The following MYO1H variants were observed in gnomAD, a reference collection of about 807,000 sequenced individuals.
MYO1H encodes the protein myosin IH, also known as unconventional myosin-Ih.
Under a neutral mutation model 149.3 loss-of-function variants are expected in MYO1H, and 118 were observed. The ratio of observed to expected loss-of-function variants is 0.79; its 90% CI spans 0.68 to 0.92. The LOEUF (loss-of-function observed/expected upper bound fraction) is 0.92. Ranked by LOEUF, MYO1H falls within the 40% of genes least tolerant of loss-of-function variation. The pLI, the probability that MYO1H is intolerant of heterozygous loss-of-function variation, is 0.00. For synonymous variants in MYO1H, 447 were observed against 465.2 expected (o/e 0.96, Z 0.50); for missense variants, 1,212 against 1,280.7 (o/e 0.95, Z 0.82).
At chr12:109,353,297 C>G (rs10850068) in intron 1 of MYO1H, among the ~76,000 whole-genome samples, 66,489 of 149,166 alleles carry the variant, frequency 0.45, 15,353 homozygotes, top group African/African-American at 0.56. Flanking sequence ...AGGAGGCTGA[C>G]GCAGGAAAAT....
rs1433826874 is a variant in MYO1H at position 109,347,951 on chromosome 12, T to C, written c.-10T>C. The C allele has an allele frequency of 1.0e-5, 4 of 398,930 alleles. No individual in the cohort carries two copies. The East Asian group carries it at 1.4e-4, about 14-fold the overall frequency. The allele number at this position is 398,930 out of a possible 1,614,324, so 24.7% of individuals were successfully genotyped here. Reference sequence around the variant, plus strand: ...ATAGTTGTTAACAACCTGCTCTCCCTCTGTGCGTGATGGAATCCAAGGTAA... The same window carrying C: ...ATAGTTGTTAACAACCTGCTCTCCCCCTGTGCGTGATGGAATCCAAGGTAA... On this transcript the variant is annotated 5_prime_UTR_variant, in exon 1 of 32. Coordinates refer to ENST00000310903, the Ensembl canonical transcript of MYO1H.
Position 109,410,028 on chromosome 12 carries a change from T to TA in MYO1H, c.1293dup (p.Ala432SerfsTer7). On this transcript the variant is annotated frameshift_variant, in exon 12 of 32. Coordinates refer to ENST00000310903, the Ensembl canonical transcript of MYO1H. LOFTEE classifies it high-confidence loss of function. The stretch of plus-strand genomic sequence containing the variant: ...CAGCAACTGTTAATTGAGAGGACTC[T>TA]AAAAGCAGAACAGGCAGAATATGAA... 6.5e-7 allele frequency: 1 copy of TA among 1,543,772 alleles called. No individual in the cohort carries two copies. The highest frequency in any genetic ancestry group is 8.7e-7 in the Non-Finnish European group (1 of 1,143,014).
chr12:109,418,971 GTC>G (rs1871051628), intron 15 of MYO1H, among the ~76,000 whole-genome samples: 1 of 152,092 alleles, frequency 6.6e-6, no homozygotes, highest in Non-Finnish European at 1.5e-5. Flanking sequence ...AAAAGGATGA[GTC>G]TCTTTGTGCA....
chr12:109,380,868 C>T (rs1177587962), intron 1 of MYO1H, among the ~76,000 whole-genome samples: 1 of 152,262 alleles, frequency 6.6e-6, no homozygotes, highest in Non-Finnish European at 1.5e-5. Flanking sequence ...ATCACTTGAA[C>T]CCGGGAGGCA....
chr12:109,374,859 AT>A (rs34450261), intron 1 of MYO1H, among the ~76,000 whole-genome samples: 27 of 146,838 alleles, frequency 1.8e-4, no homozygotes, highest in Middle Eastern at 3.5e-3. Flanking sequence ...TGGCCATTTG[AT>A]TTTTTTTTTT....
At position 109,387,939 on chromosome 12, in the gene MYO1H, A is replaced by G. The variant is rs141886997; in HGVS notation, c.13-744A>G. Among the ~76,000 whole-genome samples the G allele has an allele frequency of 4.0e-4, 61 of 152,294 alleles. 1 individual carries two copies. The East Asian group carries it at 0.011, about 28-fold the overall frequency. On this transcript the variant is annotated intron_variant, in intron 1 of 31. Transcript: ENST00000310903. ...GGAAGGTCATGCCTGGTGCCTGCCCAGTGACCGAACCAGCTCTGGCCCTGG... is the reference window on the plus strand; with the variant it reads ...GGAAGGTCATGCCTGGTGCCTGCCCGGTGACCGAACCAGCTCTGGCCCTGG...
At position 109,427,456 on chromosome 12, in the gene MYO1H, T is replaced by C; in HGVS notation, c.1832-13T>C. On this transcript the variant is annotated splice_polypyrimidine_tract_variant and intron_variant, in intron 18 of 31. Transcript: ENST00000310903. ...GATCCTTTCCTGTCATTCTCTGTTC[T>C]ATTTCTCCAAAGGCAAATTTGATGA... The C allele has an allele frequency of 6.4e-7, 1 of 1,560,574 alleles. No individual in the cohort carries two copies.
intron 1 of MYO1H, among the ~76,000 whole-genome samples, chr12:109,359,870 C>T (rs1286115202): frequency 6.6e-6 from 1 of 152,148 alleles, no homozygotes. Flanking sequence ...CCATGAAACG[C>T]AGTTAGTATT....
At chr12:109,314,535 C>T in the MYO1H span, among the ~76,000 whole-genome samples, 2 of 152,206 alleles carry the variant, frequency 1.3e-5, no homozygotes, top group Non-Finnish European at 2.9e-5. Flanking sequence ...AAAAGGGCTT[C>T]ATGATGGCTC....
exon 18 of MYO1H, chr12:109,425,992 T>C (rs1320326470): frequency 1.2e-6 from 2 of 1,613,870 alleles, no homozygotes; most frequent in Admixed American, 3.3e-5. Flanking sequence ...CTAGAAACCC[T>C]CATCTCTAAG....
exon 32 of MYO1H, chr12:109,447,462 G>A (rs541583982): frequency 1.6e-5 from 9 of 554,012 alleles, no homozygotes; most frequent in African/African-American, 5.6e-5. Context: ...TATGTTCAGT[G>A]CGCAGTCCAA....
In MYO1H at chr12:109,431,207, G is replaced by A. The variant is rs536674826; in HGVS notation, c.1950-1690G>A. Among the ~76,000 whole-genome samples, 8 of 151,940 alleles carry A rather than the reference G, an allele frequency of 5.3e-5. No homozygotes were observed. The East Asian group carries it at 7.8e-4, about 15-fold the overall frequency. ...ATCCTGGCTAACACAATGAAACTCC[G>A]TCTCTACTAAAAAATACAAAAAATT... On this transcript the variant is annotated intron_variant, in intron 19 of 31. Coordinates refer to ENST00000310903, the Ensembl canonical transcript of MYO1H.
At chr12:109,383,086 T>G (rs1199638932) in intron 1 of MYO1H, among the ~76,000 whole-genome samples, 1 of 152,034 alleles carries the variant, frequency 6.6e-6, no homozygotes, top group African/African-American at 2.4e-5. Context: ...CCCCAGAACC[T>G]CTCCCATGTT....
chr12:109,425,970 C>G (rs780639880), exon 18 of MYO1H: 1 of 1,613,800 alleles, frequency 6.2e-7, no homozygotes, highest in South Asian at 1.1e-5. Flanking sequence ...TAAAAACAGT[C>G]TGAGCAGCCT....
chr12:109,414,766 G>A (rs1329783230), intron 14 of MYO1H, among the ~76,000 whole-genome samples: 5 of 152,006 alleles, frequency 3.3e-5, no homozygotes, highest in Non-Finnish European at 7.4e-5. Flanking sequence ...GGAGTCTAGT[G>A]GTATAATTAT....
chr12:109,389,605 A>T (rs1245202270), intron 2 of MYO1H, among the ~76,000 whole-genome samples: 1 of 152,184 alleles, frequency 6.6e-6, no homozygotes, highest in Non-Finnish European at 1.5e-5. Context: ...ATCTTGTCAC[A>T]TCTAGTTTTT....
At chr12:109,410,481 A>C (rs185040723) in intron 12 of MYO1H, among the ~76,000 whole-genome samples, 15 of 152,352 alleles carry the variant, frequency 9.8e-5, no homozygotes, top group Admixed American at 7.8e-4. Context: ...CATTGGAGAT[A>C]TTCCTGATTA....
chr12:109,355,691 G>C (rs1247447546), intron 1 of MYO1H, among the ~76,000 whole-genome samples: 1 of 150,672 alleles, frequency 6.6e-6, no homozygotes, highest in Non-Finnish European at 1.5e-5. Flanking sequence ...GTTTTGTTTT[G>C]TTTGGTTTGG....
the MYO1H span, among the ~76,000 whole-genome samples, chr12:109,331,400 T>A: frequency 1.3e-5 from 2 of 152,118 alleles, no homozygotes; most frequent in South Asian, 4.2e-4. Context: ...GGGGACTTGC[T>A]TCCACTCAAG....
Sources: allele counts gnomAD v4.1 joint callset (sites outside exome capture counted in the v4.1 genomes callset), GRCh38; gene constraint gnomAD v4.1.1; transcripts MANE v1.5; gene names NCBI Gene and HGNC (gene_info 2026-07-23, HGNC 2026-07-21).